The following MCTP1 variants were observed in gnomAD, a reference collection of about 807,000 sequenced individuals.
The protein encoded by MCTP1 is multiple C2 and transmembrane domain-containing protein 1.
A neutral mutation model predicts 120.6 loss-of-function variants in MCTP1; 69 were observed. The ratio of observed to expected loss-of-function variants is 0.57; its 90% confidence interval spans 0.47 to 0.70. The LOEUF (loss-of-function observed/expected upper bound fraction) is 0.70, where lower values mean the gene tolerates loss of function less well. Ranked by LOEUF, MCTP1 falls within the 30% of genes least tolerant of loss-of-function variation. The pLI, the probability that MCTP1 is intolerant of heterozygous loss-of-function variation, is 0.00. For missense variants in MCTP1, 1,203 were observed against 1,248.8 expected, an observed-to-expected ratio of 0.96 and a Z score of 0.55; for synonymous variants, 529 against 493.1, an observed-to-expected ratio of 1.07 and a Z score of -0.96.
rs556663513 is a variant in MCTP1, at chr5:95,061,408, GTTTTTTTT to G, written c.721-43932_721-43925del. On this transcript the variant is annotated intron_variant, in intron 1 of 22. Transcript: ENST00000515393. ...ATCAATTTTCACAAACCCCTTAAGGGTTTTTTTTTTTTTTTTTTTTTTTTTTTTTTTTT... is the reference window on the plus strand; with the variant it reads ...ATCAATTTTCACAAACCCCTTAAGGGTTTTTTTTTTTTTTTTTTTTTTTTT... Among the ~76,000 whole-genome samples, 49 of 33,452 alleles carry G rather than the reference GTTTTTTTT, an allele frequency of 1.5e-3. 11 individuals carry two copies. The highest frequency in any genetic ancestry group is 1.4e-3 in the Admixed American group (4 of 2,804). 21.9% of individuals were successfully genotyped at this position (33,452 alleles called of 152,430 possible).
intron 12 of MCTP1, among the ~76,000 whole-genome samples, chr5:94,878,786 G>A (rs754491836): frequency 2.0e-5 from 3 of 151,900 alleles, no homozygotes; most frequent in South Asian, 2.1e-4. Flanking sequence ...AATAAATACC[G>A]AACATGGTTA....
intron 1 of MCTP1, among the ~76,000 whole-genome samples, chr5:95,091,965 G>T (rs545439047): frequency 6.6e-6 from 1 of 152,170 alleles, no homozygotes; most frequent in Non-Finnish European, 1.5e-5. Context: ...GTAGAAATTA[G>T]TTAAAGGCTT....
At chr5:95,035,673 C>T (rs539508918) in intron 1 of MCTP1, among the ~76,000 whole-genome samples, 67 of 152,154 alleles carry the variant, frequency 4.4e-4, no homozygotes, top group African/African-American at 4.1e-4. Flanking sequence ...CAGTATTATA[C>T]AATACAATCA....
chr5:95,060,156 G>A (rs1044218419), intron 1 of MCTP1, among the ~76,000 whole-genome samples: 1 of 138,270 alleles, frequency 7.2e-6, no homozygotes, highest in African/African-American at 2.6e-5. Flanking sequence ...ATAGTCTCTA[G>A]AGCCATGAGC....
intron 17 of MCTP1, among the ~76,000 whole-genome samples, chr5:94,813,555 C>A (rs755944916): frequency 3.3e-5 from 5 of 152,028 alleles, no homozygotes; most frequent in African/African-American, 4.8e-5. Flanking sequence ...TAGAAACAAT[C>A]CAAATGTTTA....
At chr5:95,205,321 C>T (rs1342945434) in intron 1 of MCTP1, among the ~76,000 whole-genome samples, 1 of 151,932 alleles carries the variant, frequency 6.6e-6, no homozygotes, top group Non-Finnish European at 1.5e-5. Context: ...TGGACTCCTA[C>T]CACATATTAT....
intron 1 of MCTP1, among the ~76,000 whole-genome samples, chr5:95,270,026 T>C (rs1485573187): frequency 1.3e-5 from 2 of 152,216 alleles, no homozygotes; most frequent in African/African-American, 4.8e-5. Flanking sequence ...GATGAGGCTA[T>C]AGAATATAGA....
At chr5:94,713,507 T>C (rs1757852742) in intron 20 of MCTP1, among the ~76,000 whole-genome samples, 1 of 152,094 alleles carries the variant, frequency 6.6e-6, no homozygotes, top group Admixed American at 6.6e-5. Context: ...TTCTGTCAGG[T>C]ATCAGCACAC....
intron 1 of MCTP1, among the ~76,000 whole-genome samples, chr5:95,234,506 G>A (rs984048068): frequency 2.6e-5 from 4 of 152,062 alleles, no homozygotes; most frequent in African/African-American, 7.2e-5. Context: ...GGTGACTTCT[G>A]GCTCTCATCC....
intron 2 of MCTP1, among the ~76,000 whole-genome samples, chr5:94,997,173 CA>C (rs1297838006): frequency 3.3e-5 from 5 of 152,210 alleles, no homozygotes; most frequent in African/African-American, 1.2e-4. Context: ...GTTAATATCC[CA>C]AAAACTCGTG....
chr5:95,165,065 A>T (rs1211607753), intron 1 of MCTP1, among the ~76,000 whole-genome samples: 1 of 152,170 alleles, frequency 6.6e-6, no homozygotes, highest in African/African-American at 2.4e-5. Flanking sequence ...CATTGGTGAG[A>T]AGCAGTCACA....
intron 17 of MCTP1, among the ~76,000 whole-genome samples, chr5:94,836,846 G>A (rs985007517): frequency 7.9e-5 from 12 of 152,138 alleles, no homozygotes; most frequent in African/African-American, 2.4e-4. Flanking sequence ...AAAATTATGG[G>A]GCCATATGTG....
chr5:94,710,009 A>G (rs1756259622), intron 21 of MCTP1: 1 of 152,124 alleles, frequency 6.6e-6, no homozygotes, highest in Admixed American at 6.6e-5. Context: ...GGTTCTTTGC[A>G]TTTGATTTGT....
intron 7 of MCTP1, among the ~76,000 whole-genome samples, chr5:94,922,148 A>G (rs548410411): frequency 2.0e-5 from 3 of 152,348 alleles, no homozygotes; most frequent in Non-Finnish European, 4.4e-5. Context: ...AGACATTACC[A>G]TCACACCGTG....
chr5:94,747,430 T>A (rs1767167705), intron 19 of MCTP1, among the ~76,000 whole-genome samples: 1 of 152,056 alleles, frequency 6.6e-6, no homozygotes, highest in Non-Finnish European at 1.5e-5. Flanking sequence ...CAGAAGTAAT[T>A]TTTTTTTCTG....
At chr5:94,733,065 C>T (rs1164881890) in intron 19 of MCTP1, among the ~76,000 whole-genome samples, 1 of 152,140 alleles carries the variant, frequency 6.6e-6, no homozygotes, top group African/African-American at 2.4e-5. Context: ...CAAATTTTAT[C>T]ATTCTCATCT....
At chr5:94,923,219 T>C (rs1485539326) in intron 7 of MCTP1, among the ~76,000 whole-genome samples, 2 of 152,008 alleles carry the variant, frequency 1.3e-5, no homozygotes, top group Admixed American at 1.3e-4. Flanking sequence ...GCCCTAAGAG[T>C]GTAGCATTTT....
intron 3 of MCTP1, among the ~76,000 whole-genome samples, chr5:94,947,811 G>C (rs1290247250): frequency 2.0e-5 from 3 of 148,378 alleles, no homozygotes; most frequent in Non-Finnish European, 4.5e-5. Flanking sequence ...TGTAGAGACA[G>C]GGTCTCCCTA....
Position 95,017,472 on chromosome 5 carries a change from T to C in MCTP1, c.733A>G (p.Thr245Ala), listed in dbSNP as rs763549206. The C allele has an allele frequency of 6.3e-6, 10 of 1,591,744 alleles. No individual in the cohort carries two copies. Among genetic ancestry groups the C allele is most frequent in the South Asian group, 2.3e-5 (2 of 85,948 alleles). The change falls in exon 2 of 23, where the codon ACT becomes GCT. Residue 245 changes from threonine to alanine, a missense_variant. By Grantham distance (58) the Thr-to-Ala change is moderately conservative (BLOSUM62 0). Coordinates refer to ENST00000515393, the MANE Select transcript of MCTP1 (RefSeq NM_024717.7). Reference sequence around the variant, plus strand: ...ACTTCTGCATTACTGGTTCCAGCAGTGTTTATTATTTTCTGGAAAACACGA... The same window carrying C: ...ACTTCTGCATTACTGGTTCCAGCAGCGTTTATTATTTTCTGGAAAACACGA... ...EHGSSQKIIN[T>A]AGTSNAEVPL...
Sources: allele counts gnomAD v4.1 joint callset (sites outside exome capture counted in the v4.1 genomes callset), GRCh38; gene constraint gnomAD v4.1.1; transcripts MANE v1.5; gene names NCBI Gene and HGNC (gene_info 2026-07-23, HGNC 2026-07-21).